The following LURAP1L variants were observed in gnomAD, a reference collection of about 807,000 sequenced individuals.
LURAP1L encodes leucine rich adaptor protein 1 like, also known as leucine rich adaptor protein 1-like.
Under a neutral mutation model 13.8 loss-of-function variants are expected in LURAP1L, and 12 were observed. The observed-to-expected ratio is 0.87, with a 90% CI of 0.56 to 1.41. The LOEUF is 1.41. Among genes scored for constraint, LURAP1L ranks in the 40% most tolerant of loss-of-function variants. The pLI is 0.00. For missense variants in LURAP1L, 375 were observed against 292.9 expected (o/e 1.28, Z -2.04); for synonymous variants, 139 against 119.2 (o/e 1.17, Z -1.08).
chr9:12,781,128 C>T (rs766194268), intron 1 of LURAP1L, among the ~76,000 whole-genome samples: 14 of 152,154 alleles, frequency 9.2e-5, no homozygotes, highest in South Asian at 2.1e-4. Context: ...TGTGCCACTA[C>T]GCCCGACTAA....
rs1563901213 is a variant in LURAP1L at position 12,821,409 on chromosome 9, C to G, written c.336C>G (p.Val112=). ...QEMVNLRATD[V]RLMRQLLVIN... is the part of the protein sequence containing the mutation. Reference sequence around the variant, plus strand: ...AGGTTAACCTCAGAGCCACAGACGTCAGGCTCATGCGCCAGTTGCTTGTAA... The same window carrying G: ...AGGTTAACCTCAGAGCCACAGACGTGAGGCTCATGCGCCAGTTGCTTGTAA... Residue 112 remains valine, a synonymous_variant, in exon 2 of 2, where the codon GTC becomes GTG. Transcript: ENST00000319264. 1.2e-6 allele frequency: 2 copies of G among 1,613,976 alleles called. No individual in the cohort carries two copies. Among genetic ancestry groups the G allele is most frequent in the Non-Finnish European group, 1.7e-6 (2 of 1,179,888 alleles).
At chr9:12,814,399 G>A (rs145905286) in intron 1 of LURAP1L, 139 of 152,200 alleles carry the variant, frequency 9.1e-4, no homozygotes, top group African/African-American at 3.3e-3. Context: ...AATGAATCTC[G>A]GCTCAGGTGA....
intron 1 of LURAP1L, among the ~76,000 whole-genome samples, chr9:12,788,805 A>C (rs1198772819): frequency 6.6e-6 from 1 of 151,932 alleles, no homozygotes; most frequent in Non-Finnish European, 1.5e-5. Flanking sequence ...CAGTTTCTCT[A>C]TACTAATTAC....
At chr9:12,785,856 A>G (rs924743792) in intron 1 of LURAP1L, among the ~76,000 whole-genome samples, 6 of 152,124 alleles carry the variant, frequency 3.9e-5, no homozygotes, top group Non-Finnish European at 7.4e-5. Flanking sequence ...CTTGGTTCTT[A>G]TGAAGGTACT....
At chr9:12,781,458 A>C (rs1819269556) in intron 1 of LURAP1L, among the ~76,000 whole-genome samples, 1 of 152,072 alleles carries the variant, frequency 6.6e-6, no homozygotes, top group Admixed American at 6.6e-5. Context: ...TAGCTCCATG[A>C]GTTCAACTGT....
chr9:12,788,063 C>A (rs920835477), intron 1 of LURAP1L, among the ~76,000 whole-genome samples: 1 of 150,366 alleles, frequency 6.7e-6, no homozygotes, highest in South Asian at 2.1e-4. Context: ...AATGAACCAA[C>A]GTGGCACCAA....
chr9:12,807,767 TTCTC>T (rs35426512), intron 1 of LURAP1L, among the ~76,000 whole-genome samples: 20,037 of 152,078 alleles, frequency 0.13, 1,614 homozygotes, highest in East Asian at 0.28. Flanking sequence ...ACTTTTTTCT[TTCTC>T]TCTTTTCTTT....
chr9:12,808,077 A>G (rs1819685256), intron 1 of LURAP1L, among the ~76,000 whole-genome samples: 1 of 152,076 alleles, frequency 6.6e-6, no homozygotes, highest in Non-Finnish European at 1.5e-5. Context: ...ATGCATTGTC[A>G]TTGTTATTTT....
intron 1 of LURAP1L, among the ~76,000 whole-genome samples, chr9:12,781,406 C>G (rs929491732): frequency 6.6e-6 from 1 of 152,170 alleles, no homozygotes. Context: ...CCCCCCAGCT[C>G]GCTACCCCTT....
chr9:12,820,949 G>T (rs1382077173), intron 1 of LURAP1L, among the ~76,000 whole-genome samples: 1 of 152,090 alleles, frequency 6.6e-6, no homozygotes, highest in African/African-American at 2.4e-5. Context: ...ATAATCAGAG[G>T]CTTTTAGAGG....
intron 1 of LURAP1L, among the ~76,000 whole-genome samples, chr9:12,794,354 G>C (rs1294378825): frequency 6.6e-6 from 1 of 151,822 alleles, no homozygotes; most frequent in Non-Finnish European, 1.5e-5. Flanking sequence ...ACCCAATTCT[G>C]TTACTTTTTT....
At chr9:12,787,438 G>C (rs1819373173) in intron 1 of LURAP1L, among the ~76,000 whole-genome samples, 1 of 152,082 alleles carries the variant, frequency 6.6e-6, no homozygotes, top group Non-Finnish European at 1.5e-5. Flanking sequence ...GAGAGAGTTA[G>C]TCTATTAGTA....
At chr9:12,809,284 C>A (rs1819705422) in intron 1 of LURAP1L, among the ~76,000 whole-genome samples, 1 of 152,132 alleles carries the variant, frequency 6.6e-6, no homozygotes, top group African/African-American at 2.4e-5. Flanking sequence ...TTTCTAATAG[C>A]CCACAGTTCT....
chr9:12,809,699 G>A (rs955313121), intron 1 of LURAP1L, among the ~76,000 whole-genome samples: 1 of 152,168 alleles, frequency 6.6e-6, no homozygotes. Context: ...TTGAAGGCTG[G>A]ATATGATATA....
At chr9:12,776,116 G>A (rs574948841) in intron 1 of LURAP1L, 89 bp downstream of exon 1, 18 of 1,310,232 alleles carry the variant, frequency 1.4e-5, no homozygotes, top group Non-Finnish European at 1.7e-5. Context: ...AGAGAGGACG[G>A]CAGGGGCTGC....
At chr9:12,810,654 G>A (rs1819724238) in intron 1 of LURAP1L, among the ~76,000 whole-genome samples, 1 of 152,114 alleles carries the variant, frequency 6.6e-6, no homozygotes, top group Non-Finnish European at 1.5e-5. Context: ...TTTGATAAAT[G>A]GCAGATACTA....
intron 1 of LURAP1L, among the ~76,000 whole-genome samples, chr9:12,781,212 C>T (rs1376224485): frequency 1.3e-5 from 2 of 152,172 alleles, no homozygotes; most frequent in African/African-American, 4.8e-5. Context: ...CTCAGGTGAT[C>T]TGCCTGCCTC....
At chr9:12,780,958 G>C (rs1563885752) in intron 1 of LURAP1L, among the ~76,000 whole-genome samples, 1 of 151,548 alleles carries the variant, frequency 6.6e-6, no homozygotes. Flanking sequence ...TACTCTTTTA[G>C]TTATTATTAT....
intron 1 of LURAP1L, among the ~76,000 whole-genome samples, chr9:12,807,091 T>C (rs913792869): frequency 3.0e-5 from 3 of 99,280 alleles, no homozygotes; most frequent in Non-Finnish European, 1.8e-5. Flanking sequence ...CTGTCTCTAC[T>C]AAAATATATA....
Sources: gnomAD v4.1 joint callset for allele counts (sites outside exome capture counted in the v4.1 genomes callset) on GRCh38, gnomAD v4.1.1 for gene constraint, MANE v1.5 for transcripts, NCBI Gene and HGNC (gene_info 2026-07-23, HGNC 2026-07-21) for gene names.